Variants in SKP2 observed in about 807,000 individuals in gnomAD.
SKP2 encodes the protein S-phase kinase-associated protein 2.
A neutral mutation model predicts 51.8 loss-of-function variants in SKP2; 16 were observed. The observed-to-expected ratio is 0.31, with a 90% CI of 0.21 to 0.47. The LOEUF is 0.47. Ranked by LOEUF, SKP2 falls within the 20% of genes least tolerant of loss-of-function variation. SKP2 has a pLI of 1.00. For missense variants in SKP2, 377 were observed against 505.3 expected (o/e 0.75, Z 2.43); for synonymous variants, 176 against 198.6 (o/e 0.89, Z 0.96).
chr5:36,157,288 G>A (rs1403311030), intron 2 of SKP2, among the ~76,000 whole-genome samples: 1 of 152,132 alleles, frequency 6.6e-6, no homozygotes, highest in African/African-American at 2.4e-5. Flanking sequence ...CCCTCATAGT[G>A]CTTATACACT....
downstream of SKP2, among the ~76,000 whole-genome samples, chr5:36,186,425 C>T (rs1745956315): frequency 6.6e-6 from 1 of 152,102 alleles, no homozygotes; most frequent in African/African-American, 2.4e-5. Context: ...GAGATATGCC[C>T]CATCAATACC....
At chr5:36,170,321 C>T in intron 5 of SKP2, 23 bp from the exon 6 acceptor site, 3 of 1,420,850 alleles carry the variant, frequency 2.1e-6, no homozygotes, top group Non-Finnish European at 3.0e-6. Flanking sequence ...TCTTTTTCTT[C>T]TGACGTTTTT....
At chr5:36,178,474 C>G (rs144836232) in intron 9 of SKP2, among the ~76,000 whole-genome samples, 22 of 152,186 alleles carry the variant, frequency 1.4e-4, no homozygotes, top group Non-Finnish European at 1.5e-5. Context: ...GAGCTGGTAT[C>G]TCATTTGGGA....
chr5:36,178,201 C>T (rs1253807354), intron 9 of SKP2, among the ~76,000 whole-genome samples: 1 of 152,152 alleles, frequency 6.6e-6, no homozygotes, highest in Non-Finnish European at 1.5e-5. Context: ...CCCAACATGT[C>T]TTGAATGCGG....
chr5:36,189,404 T>C (rs767943520), intron 6 of SKP2, among the ~76,000 whole-genome samples: 21 of 152,204 alleles, frequency 1.4e-4, no homozygotes, highest in African/African-American at 2.2e-4. Flanking sequence ...GGGTTTTTGG[T>C]GTGGATGTCC....
intron 7 of SKP2, among the ~76,000 whole-genome samples, chr5:36,172,750 C>G (rs916693684): frequency 2.0e-5 from 3 of 152,158 alleles, no homozygotes; most frequent in Non-Finnish European, 4.4e-5. Context: ...TTGCTAGGAT[C>G]TCATGAGTGG....
At chr5:36,186,623 T>G (rs13182377), downstream of SKP2, among the ~76,000 whole-genome samples, 65,026 of 151,850 alleles carry the variant, frequency 0.43, 16,796 homozygotes, top group Non-Finnish European at 0.59. Flanking sequence ...ATAAGCTTTT[T>G]GATATGCTGC....
chr5:36,187,129 T>C (rs1745963023), downstream of SKP2, among the ~76,000 whole-genome samples: 1 of 152,192 alleles, frequency 6.6e-6, no homozygotes, highest in East Asian at 1.9e-4. Flanking sequence ...TTCTTCTCTC[T>C]TCTTTATTAC....
chr5:36,172,750 C>T (rs916693684), intron 7 of SKP2, among the ~76,000 whole-genome samples: 1 of 152,158 alleles, frequency 6.6e-6, no homozygotes, highest in African/African-American at 2.4e-5. Flanking sequence ...TTGCTAGGAT[C>T]TCATGAGTGG....
intron 6 of SKP2, among the ~76,000 whole-genome samples, chr5:36,189,495 T>C (rs577412674): frequency 2.6e-4 from 39 of 152,350 alleles, no homozygotes; most frequent in African/African-American, 9.1e-4. Flanking sequence ...CTCCAGACGC[T>C]GTTTGCCTGG....
At chr5:36,193,240 G>A (rs1746084522) in intron 7 of SKP2, 1 of 152,016 alleles carries the variant, frequency 6.6e-6, no homozygotes, top group African/African-American at 2.4e-5. Flanking sequence ...ATACTGGGAG[G>A]CCGAGGCAGG....
At chr5:36,158,993 A>G (rs1228717420) in intron 2 of SKP2, among the ~76,000 whole-genome samples, 1 of 152,118 alleles carries the variant, frequency 6.6e-6, no homozygotes, top group Non-Finnish European at 1.5e-5. Context: ...ATAAAGAATT[A>G]GCACATTCAC....
At chr5:36,188,233 A>T (rs1398047862), downstream of SKP2, among the ~76,000 whole-genome samples, 8 of 152,192 alleles carry the variant, frequency 5.3e-5, no homozygotes, top group African/African-American at 1.9e-4. Flanking sequence ...ATTTACCTGT[A>T]AGGTTAATAT....
At chr5:36,175,077 A>G (rs1222089628) in intron 7 of SKP2, among the ~76,000 whole-genome samples, 1 of 152,128 alleles carries the variant, frequency 6.6e-6, no homozygotes, top group East Asian at 1.9e-4. Context: ...GTAGCGGGGA[A>G]GTATGAAGCA....
At chr5:36,153,358 C>T (rs1744821826) in intron 2 of SKP2, among the ~76,000 whole-genome samples, 1 of 152,154 alleles carries the variant, frequency 6.6e-6, no homozygotes, top group African/African-American at 2.4e-5. Context: ...CACCGTTTAA[C>T]AGAAACATAA....
chr5:36,152,675 T>C, intron 1 of SKP2, 96 bp from the exon 2 acceptor site: 1 of 1,322,824 alleles, frequency 7.6e-7, no homozygotes, highest in South Asian at 1.4e-5. Context: ...CTGTGAAGGT[T>C]TCCTACAATG....
At chr5:36,164,024 G>A (rs562851687) in intron 3 of SKP2, among the ~76,000 whole-genome samples, 31 of 152,244 alleles carry the variant, frequency 2.0e-4, no homozygotes, top group African/African-American at 6.3e-4. Flanking sequence ...TAGGCCAGGC[G>A]GTGTGCTTTA....
chr5:36,184,107 G>T lies in SKP2; in HGVS notation c.*2076G>T. 1 of 689,542 alleles carries T rather than the reference G, an allele frequency of 1.5e-6. No individual in the cohort carries two copies. Among genetic ancestry groups the T allele is most frequent in the South Asian group, 2.1e-5 (1 of 47,984 alleles). The allele number at this position is 689,542 out of a possible 1,614,324, so 42.7% of individuals were successfully genotyped here. A position where few individuals can be genotyped will look rare whatever the true frequency, so the allele number is the denominator to read the frequency against. On this transcript the variant is annotated 3_prime_UTR_variant, in exon 10 of 10. Coordinates refer to ENST00000274255, the MANE Select transcript of SKP2 (RefSeq NM_005983.4). ...TGTGGTTAAAATTTGAAAGCATTTA[G>T]TGTGGTATGCCATTTGGCTTAGATA...
At chr5:36,179,432 A>C (rs1446193860) in intron 9 of SKP2, among the ~76,000 whole-genome samples, 1 of 152,184 alleles carries the variant, frequency 6.6e-6, no homozygotes, top group African/African-American at 2.4e-5. Context: ...ATTTTAAAAT[A>C]CTTGGGAAAC....
Sources: allele counts gnomAD v4.1 joint callset (sites outside exome capture counted in the v4.1 genomes callset), GRCh38; gene constraint gnomAD v4.1.1; transcripts MANE v1.5; gene names NCBI Gene and HGNC (gene_info 2026-07-23, HGNC 2026-07-21).